Variants in RTN1 observed in about 807,000 individuals in gnomAD.
The protein encoded by RTN1 is reticulon-1.
Under a neutral mutation model 65.5 loss-of-function variants are expected in RTN1, and 25 were observed. The ratio of observed to expected loss-of-function variants is 0.38; its 90% CI spans 0.28 to 0.53. The LOEUF (loss-of-function observed/expected upper bound fraction) is 0.53. RTN1 is among the 20% of genes least tolerant of loss of function. RTN1 has a pLI of 0.79. For synonymous variants in RTN1, 471 were observed against 447.6 expected (o/e 1.05, Z -0.66); for missense variants, 983 against 1,025.4 (o/e 0.96, Z 0.57).
intron 3 of RTN1, among the ~76,000 whole-genome samples, chr14:59,633,349 C>T (rs757467662): frequency 2.6e-5 from 4 of 152,310 alleles, no homozygotes; most frequent in Non-Finnish European, 5.9e-5. Flanking sequence ...AACTAGGAAT[C>T]ACCTGTATTG....
intron 3 of RTN1, among the ~76,000 whole-genome samples, chr14:59,701,944 T>C (rs372304020): frequency 3.9e-5 from 6 of 152,300 alleles, no homozygotes; most frequent in African/African-American, 1.4e-4. Flanking sequence ...TTACCCTAAC[T>C]GTAAAATTAC....
At chr14:59,626,828 C>T (rs927603006) in intron 3 of RTN1, among the ~76,000 whole-genome samples, 2 of 152,122 alleles carry the variant, frequency 1.3e-5, no homozygotes, top group Non-Finnish European at 2.9e-5. Context: ...CTAATATTTA[C>T]GGAGAATTTA....
At chr14:59,756,465 T>C (rs565870961) in intron 1 of RTN1, among the ~76,000 whole-genome samples, 10 of 152,220 alleles carry the variant, frequency 6.6e-5, no homozygotes, top group Non-Finnish European at 1.3e-4. Context: ...TGTATACTAA[T>C]AGTTATTCAA....
intron 1 of RTN1, among the ~76,000 whole-genome samples, chr14:59,811,440 T>C (rs1886727642): frequency 6.6e-6 from 1 of 152,242 alleles, no homozygotes; most frequent in African/African-American, 2.4e-5. Context: ...AATTGAAATA[T>C]AGATCTATAT....
intron 3 of RTN1, among the ~76,000 whole-genome samples, chr14:59,613,676 T>C (rs555621020): frequency 2.6e-5 from 4 of 152,244 alleles, no homozygotes; most frequent in African/African-American, 9.6e-5. Flanking sequence ...TTCTTCTCAG[T>C]CGACTGTATT....
chr14:59,820,944 G>T (rs1369819897), intron 1 of RTN1, among the ~76,000 whole-genome samples: 1 of 152,196 alleles, frequency 6.6e-6, no homozygotes, highest in Non-Finnish European at 1.5e-5. Context: ...TGGGTAGTGG[G>T]ATGCCTCTGG....
At chr14:59,815,202 G>A (rs1258189561) in intron 1 of RTN1, among the ~76,000 whole-genome samples, 4 of 152,030 alleles carry the variant, frequency 2.6e-5, no homozygotes, top group African/African-American at 4.8e-5. Context: ...TCCTAATCAC[G>A]CCCTCCTGCA....
intron 3 of RTN1, among the ~76,000 whole-genome samples, chr14:59,707,998 C>T (rs1327588802): frequency 1.3e-5 from 2 of 152,196 alleles, no homozygotes; most frequent in Non-Finnish European, 2.9e-5. Flanking sequence ...AAATATTAAA[C>T]TAACATTTCC....
rs758477130 is a variant in RTN1 at position 59,727,551 on chromosome 14, C to T, written c.1133G>A (p.Gly378Asp). Reference protein sequence around the residue: ...YETAENPRPVGQLADRPEVKA... With the variant: ...YETAENPRPVDQLADRPEVKA... The stretch of plus-strand genomic sequence containing the variant: ...GACCTCGGGCCTGTCGGCCAGCTGG[C>T]CCACCGGCCGTGGGTTCTCGGCGGT... The change falls in exon 3 of 9, where the codon GGC becomes GAC. Residue 378 changes from glycine to aspartate, a missense_variant. By Grantham distance (94) the Gly-to-Asp change is moderately conservative (BLOSUM62 -1). Transcript: ENST00000267484. This position sits in a 1 kb window ranked among gnomAD's most constrained non-coding sequence, Gnocchi z 4.2. 1.8e-5 allele frequency: 29 copies of T among 1,610,428 alleles called. No individual in the cohort carries two copies. In the South Asian group the frequency reaches 2.8e-4, roughly 15 times the overall value.
intron 1 of RTN1, among the ~76,000 whole-genome samples, chr14:59,789,503 GA>G (rs1253821943): frequency 6.6e-6 from 1 of 152,076 alleles, no homozygotes; most frequent in Non-Finnish European, 1.5e-5. Flanking sequence ...TAATTATAAT[GA>G]ATACTTTGTA....
chr14:59,629,627 G>A (rs1210864900), intron 3 of RTN1, among the ~76,000 whole-genome samples: 1 of 152,224 alleles, frequency 6.6e-6, no homozygotes, highest in African/African-American at 2.4e-5. Flanking sequence ...GTAACTGCAA[G>A]GTGAATTTTA....
intron 3 of RTN1, among the ~76,000 whole-genome samples, chr14:59,720,176 C>A (rs1388833113): frequency 1.3e-5 from 2 of 152,066 alleles, no homozygotes; most frequent in African/African-American, 4.8e-5. Flanking sequence ...ATAATAAGTG[C>A]TGGAGCCACC....
At chr14:59,637,308 C>T (rs1356025287) in intron 3 of RTN1, among the ~76,000 whole-genome samples, 7 of 152,162 alleles carry the variant, frequency 4.6e-5, no homozygotes, top group Non-Finnish European at 1.0e-4. Context: ...GATATTGCAC[C>T]AATTCAGTCA....
chr14:59,696,468 CT>C (rs60305720), intron 3 of RTN1, among the ~76,000 whole-genome samples: 92,107 of 146,120 alleles, frequency 0.63, 28,528 homozygotes, highest in South Asian at 0.71. Context: ...ATTTTAATTA[CT>C]TTTTTTTTTT....
intron 1 of RTN1, among the ~76,000 whole-genome samples, chr14:59,757,288 T>C (rs1026501853): frequency 1.3e-5 from 2 of 152,140 alleles, no homozygotes; most frequent in African/African-American, 4.8e-5. Context: ...TTCCCACATA[T>C]TTGGGAGGGA....
intron 1 of RTN1, among the ~76,000 whole-genome samples, chr14:59,798,253 T>G (rs923230573): frequency 6.6e-6 from 1 of 152,164 alleles, no homozygotes; most frequent in Non-Finnish European, 1.5e-5. Flanking sequence ...GGTATATGCC[T>G]CAGAGTTCAG....
At chr14:59,691,511 A>T (rs1883960480) in intron 3 of RTN1, among the ~76,000 whole-genome samples, 1 of 152,130 alleles carries the variant, frequency 6.6e-6, no homozygotes, top group Non-Finnish European at 1.5e-5. Context: ...CATACAAAGA[A>T]CAGCTGGTAC....
intron 1 of RTN1, among the ~76,000 whole-genome samples, chr14:59,801,152 A>C (rs914655034): frequency 3.3e-5 from 5 of 152,222 alleles, no homozygotes; most frequent in African/African-American, 1.2e-4. Context: ...CAGAAATACA[A>C]GGTAGAGCAA....
chr14:59,687,885 G>C (rs186410804), intron 3 of RTN1, among the ~76,000 whole-genome samples: 11 of 152,212 alleles, frequency 7.2e-5, no homozygotes, highest in Non-Finnish European at 1.5e-5. Context: ...GTGAAGGGGG[G>C]CCTTCTCTGT....
Sources: allele counts gnomAD v4.1 joint callset (sites outside exome capture counted in the v4.1 genomes callset), GRCh38; gene constraint gnomAD v4.1.1; non-coding constraint Gnocchi (gnomAD v3.1); transcripts MANE v1.5; gene names NCBI Gene and HGNC (gene_info 2026-07-23, HGNC 2026-07-21).